Variants in CERS3 observed in about 807,000 individuals in gnomAD.
CERS3 encodes LAG1 homolog, ceramide synthase 3.
Under a neutral mutation model 50.3 loss-of-function variants are expected in CERS3, and 33 were observed. The ratio of observed to expected loss-of-function variants is 0.66; its 90% CI spans 0.50 to 0.88. The LOEUF is 0.88. CERS3 is among the 40% of genes least tolerant of loss of function. The pLI is 0.00. For synonymous variants in CERS3, 176 were observed against 155.2 expected (o/e 1.13, Z -0.99); for missense variants, 470 against 460.3 (o/e 1.02, Z -0.19).
At chr15:100,523,691 A>T (rs1419860919) in intron 1 of CERS3, among the ~76,000 whole-genome samples, 3 of 134,684 alleles carry the variant, frequency 2.2e-5, no homozygotes, top group Non-Finnish European at 4.6e-5. Context: ...ACAGAGCAAG[A>T]CTCCATCTCA....
intron 11 of CERS3, among the ~76,000 whole-genome samples, chr15:100,423,836 A>C (rs2032628187): frequency 6.6e-6 from 1 of 152,126 alleles, no homozygotes. Flanking sequence ...ACCATGATTG[A>C]AAGTTTCCTG....
At chr15:100,503,144 A>G (rs143464174) in intron 2 of CERS3, among the ~76,000 whole-genome samples, 1,686 of 152,326 alleles carry the variant, frequency 0.011, 54 homozygotes, top group Admixed American at 0.062. Context: ...AAAGGAATCA[A>G]AATGTCCTCA....
At chr15:100,468,221 C>G (rs755150999) in intron 10 of CERS3, among the ~76,000 whole-genome samples, 2 of 152,038 alleles carry the variant, frequency 1.3e-5, no homozygotes, top group Non-Finnish European at 2.9e-5. Flanking sequence ...AGACATTGTT[C>G]CAAACTATAT....
rs779460605 is a variant in CERS3 at position 100,467,874 on chromosome 15, G to GATAGATAGATAGATATAGAT, written c.845+1503_845+1504insATCTATATCTATCTATCTAT. On this transcript the variant is annotated intron_variant, in intron 10 of 11. Transcript: ENST00000679737. ...ATATAGATAGATAGATAGATAGATA[G>GATAGATAGATAGATATAGAT]ATAGATATAGATATAGATATAGATA... 8.0e-4 allele frequency among the ~76,000 whole-genome samples: 37 copies of GATAGATAGATAGATATAGAT among 46,008 alleles called. No individual in the cohort carries two copies. The East Asian group carries it at 8.8e-3, about 11-fold the overall frequency. The allele number at this position is 46,008 out of a possible 152,430, so 30.2% of individuals were successfully genotyped here. A position where few individuals can be genotyped will look rare whatever the true frequency, so the allele number is the denominator to read the frequency against.
At chr15:100,423,830 T>C (rs1211646519) in intron 11 of CERS3, among the ~76,000 whole-genome samples, 1 of 152,174 alleles carries the variant, frequency 6.6e-6, no homozygotes, top group East Asian at 1.9e-4. Context: ...CCTTCCACCA[T>C]GATTGAAAGT....
chr15:100,533,560 CTCTTTTTT>C (rs2036995591), upstream of CERS3, among the ~76,000 whole-genome samples: 1 of 124,676 alleles, frequency 8.0e-6, no homozygotes, highest in African/African-American at 3.1e-5. Context: ...TTCCCTCTCT[CTCTTTTTT>C]TTTTTTTTTT....
intron 3 of CERS3, among the ~76,000 whole-genome samples, chr15:100,496,684 G>T (rs72759152): frequency 0.11 from 17,278 of 152,116 alleles, 1,246 homozygotes; most frequent in Admixed American, 0.21. Flanking sequence ...CAATAAAGCA[G>T]ATATTTTTAA....
chr15:100,490,764 G>T, intron 4 of CERS3, 53 bp downstream of exon 4: 1 of 1,077,172 alleles, frequency 9.3e-7, no homozygotes, highest in Non-Finnish European at 1.4e-6. Context: ...ATAGATAATT[G>T]AACCATTAAG....
At chr15:100,493,370 C>T (rs958235503) in intron 3 of CERS3, among the ~76,000 whole-genome samples, 6 of 152,084 alleles carry the variant, frequency 3.9e-5, no homozygotes, top group Admixed American at 6.6e-5. Context: ...GTCATTCCGC[C>T]GCCTTTGGCC....
In CERS3 at chr15:100,500,925, T is replaced by A. The variant is rs185876384; in HGVS notation, c.173+752A>T. The stretch of plus-strand genomic sequence containing the variant: ...AGATTTTGTCTCAAGTTTTTCCAAC[T>A]CTTGACATTTGAATATTCTCTTTGC... On this transcript the variant is annotated intron_variant, in intron 3 of 11. Transcript: ENST00000679737. Among the ~76,000 whole-genome samples the A allele has an allele frequency of 1.5e-3, 234 of 152,330 alleles. 2 individuals carry two copies. Among genetic ancestry groups the A allele is most frequent in the Non-Finnish European group, 3.5e-4 (24 of 68,030 alleles).
At position 100,487,165 on chromosome 15, in the gene CERS3, T is replaced by G. The variant is rs566359820; in HGVS notation, c.289-2497A>C. ...ACCATCTGTAATGACCAGAAAATAG[T>G]GCAAGATGTCATGGGAACAAAAACA... On this transcript the variant is annotated intron_variant, in intron 4 of 11. Transcript: ENST00000679737. 2.0e-5 allele frequency among the ~76,000 whole-genome samples: 3 copies of G among 152,310 alleles called. No individual in the cohort carries two copies. The East Asian group carries it at 5.8e-4, about 29-fold the overall frequency.
chr15:100,537,091 A>G (rs971724053), intron 1 of CERS3, among the ~76,000 whole-genome samples: 1 of 152,194 alleles, frequency 6.6e-6, no homozygotes. Flanking sequence ...CCACTTGCTA[A>G]CACAGAACTG....
At chr15:100,418,003 A>C (rs2032092249) in intron 11 of CERS3, among the ~76,000 whole-genome samples, 1 of 152,160 alleles carries the variant, frequency 6.6e-6, no homozygotes, top group African/African-American at 2.4e-5. Flanking sequence ...CAAAAACTGG[A>C]AACTCTAAAA....
chr15:100,432,275 C>T lies in CERS3; in HGVS notation c.999+23618G>A, dbSNP rs1284720279. 2.0e-5 allele frequency among the ~76,000 whole-genome samples: 3 copies of T among 152,144 alleles called. No homozygotes were observed. The East Asian group carries it at 5.8e-4, about 29-fold the overall frequency. ...CAACAGGTCATCAAAAATATTTAAG[C>T]ACCTGTCACCAAATGTCAGGCTTTC... On this transcript the variant is annotated intron_variant, in intron 11 of 11. Transcript: ENST00000679737.
At chr15:100,487,174 T>A (rs1213547481) in intron 4 of CERS3, among the ~76,000 whole-genome samples, 1 of 152,220 alleles carries the variant, frequency 6.6e-6, no homozygotes, top group African/African-American at 2.4e-5. Flanking sequence ...GTGCAAGATG[T>A]CATGGGAACA....
Position 100,484,649 on chromosome 15 carries a change from G to A in CERS3, c.308C>T (p.Ala103Val). The A allele has an allele frequency of 6.2e-7, 1 of 1,613,608 alleles. No individual in the cohort carries two copies. The highest frequency in any genetic ancestry group is 8.5e-7 in the Non-Finnish European group (1 of 1,179,622). The stretch of plus-strand genomic sequence containing the variant: ...GCGCTCCGTCAAGTTACACTTCTTT[G>A]CCAGTCCATAAATATCAGTCTGAAA... ...QPLQTDIYGLAKKCNLTERQV... is the reference protein window; with the variant it reads ...QPLQTDIYGLVKKCNLTERQV... The change falls in exon 5 of 12, where the codon GCA (alanine) becomes GTA (valine). Residue 103 changes from alanine (A) to valine (V), a missense_variant. Transcript: ENST00000679737.
intron 3 of CERS3, among the ~76,000 whole-genome samples, chr15:100,499,317 A>C (rs745319248): frequency 2.0e-4 from 30 of 152,200 alleles, no homozygotes; most frequent in Non-Finnish European, 3.4e-4. Flanking sequence ...AGATAAACTA[A>C]TTAGAAACTA....
intron 8 of CERS3, among the ~76,000 whole-genome samples, chr15:100,474,931 T>C (rs1440787570): frequency 6.6e-6 from 1 of 152,204 alleles, no homozygotes; most frequent in Non-Finnish European, 1.5e-5. Context: ...TGAAGATACA[T>C]CTTTATAAGA....
chr15:100,502,547 T>C (rs777588845), intron 2 of CERS3, among the ~76,000 whole-genome samples: 1 of 152,194 alleles, frequency 6.6e-6, no homozygotes, highest in Non-Finnish European at 1.5e-5. Context: ...TCCTGAAGGC[T>C]CCAGGTAGGT....
Sources: gnomAD v4.1 joint callset for allele counts (sites outside exome capture counted in the v4.1 genomes callset) on GRCh38, gnomAD v4.1.1 for gene constraint, MANE v1.5 for transcripts, NCBI Gene and HGNC (gene_info 2026-07-23, HGNC 2026-07-21) for gene names.